The following ANKRD30BL variants were observed in gnomAD, a reference collection of about 807,000 sequenced individuals.
ANKRD30BL encodes the protein ankyrin repeat domain 30B like.
A neutral mutation model predicts 18.4 loss-of-function variants in ANKRD30BL; 20 were observed. The ratio of observed to expected loss-of-function variants is 1.09; its 90% CI spans 0.77 to 1.58. The LOEUF (loss-of-function observed/expected upper bound fraction) is 1.58. Among genes scored for constraint, ANKRD30BL ranks in the 40% most tolerant of loss-of-function variants. The pLI is 0.00. For missense variants in ANKRD30BL, 224 were observed against 268.6 expected, an observed-to-expected ratio of 0.83 and a Z score of 1.16; for synonymous variants, 72 against 100.9, an observed-to-expected ratio of 0.71 and a Z score of 1.72.
At chr2:132,185,315 GAGA>G (rs368924082) in intron 1 of ANKRD30BL, among the ~76,000 whole-genome samples, 1 of 152,150 alleles carries the variant, frequency 6.6e-6, no homozygotes, top group Non-Finnish European at 1.5e-5. Flanking sequence ...CACCACCAGA[GAGA>G]AGAAGGCAGT....
At chr2:132,231,780 C>A (rs1268926195) in intron 1 of ANKRD30BL, among the ~76,000 whole-genome samples, 1 of 152,232 alleles carries the variant, frequency 6.6e-6, no homozygotes, top group South Asian at 2.1e-4. Context: ...CCGCCATTAC[C>A]CAGGCTTGCT....
intron 1 of ANKRD30BL, among the ~76,000 whole-genome samples, chr2:132,218,074 G>A (rs1321907127): frequency 2.0e-5 from 3 of 151,210 alleles, no homozygotes; most frequent in Non-Finnish European, 4.4e-5. Context: ...TCTGCATGTG[G>A]ATATTTGGAC....
At chr2:132,256,613 C>T (rs1263829256) in intron 1 of ANKRD30BL, among the ~76,000 whole-genome samples, 2 of 152,212 alleles carry the variant, frequency 1.3e-5, no homozygotes, top group African/African-American at 4.8e-5. Context: ...TTCGGCGGGC[C>T]TGCGGCTTCC....
At chr2:132,157,187 A>G (rs1483625569) in intron 2 of ANKRD30BL, 41 bp from the exon 3 acceptor site, 6 of 1,261,766 alleles carry the variant, frequency 4.8e-6, no homozygotes, top group African/African-American at 1.5e-5. Flanking sequence ...AAATTATAGG[A>G]AATATAAATA....
chr2:132,169,765 C>G (rs552974437), intron 1 of ANKRD30BL, among the ~76,000 whole-genome samples: 2 of 151,356 alleles, frequency 1.3e-5, no homozygotes, highest in African/African-American at 4.9e-5. Flanking sequence ...AAACATTGGT[C>G]AAGTCTTTAT....
rs142209162 is a variant in ANKRD30BL at position 132,148,133 on chromosome 2, A to G, written c.775T>C (p.Ter259GlnextTer29). The change falls in exon 6 of 6, where the codon TAG (stop) becomes CAG (glutamine). Residue 259 changes from the stop codon to glutamine (Q), a stop_lost. Transcript: ENST00000409867. The stretch of plus-strand genomic sequence containing the variant: ...TTTGAAGAGGAATTCACTGTATCCT[A>G]TTCATCAGGTGTTCTTTCCACCAAG... ...ESLVERTPDE[*>Q] 1 of 1,579,954 alleles carries G rather than the reference A, an allele frequency of 6.3e-7. No homozygotes were observed. The highest frequency in any genetic ancestry group is 8.6e-7 in the Non-Finnish European group (1 of 1,158,398).
At chr2:132,255,257 G>A (rs34022075) in intron 1 of ANKRD30BL, among the ~76,000 whole-genome samples, 4 of 152,198 alleles carry the variant, frequency 2.6e-5, no homozygotes, top group East Asian at 1.9e-4. Flanking sequence ...CACCTCTAGC[G>A]GTGCAATATG....
rs113851942 is a variant in ANKRD30BL, at chr2:132,230,085, C to T, written n.441+27444G>A. On this transcript the variant is annotated intron_variant and non_coding_transcript_variant, in intron 1 of 4. Coordinates refer to the ANKRD30BL transcript ENST00000470729. ...AAACACGCTTTTTGTAGAATCTGCA[C>T]GTGGACATTTAAAGCACTTTGAGGC... Among the ~76,000 whole-genome samples, 15 of 149,234 alleles carry T rather than the reference C, an allele frequency of 1.0e-4. 1 individual carries two copies. Among genetic ancestry groups the T allele is most frequent in the East Asian group, 4.0e-4 (2 of 4,986 alleles).
chr2:132,240,171 A>C (rs1172808545), intron 1 of ANKRD30BL, among the ~76,000 whole-genome samples: 1 of 151,980 alleles, frequency 6.6e-6, no homozygotes, highest in Non-Finnish European at 1.5e-5. Flanking sequence ...ACTAGATAGA[A>C]GCATTCTCAG....
At chr2:132,237,566 G>A (rs1423829629) in intron 1 of ANKRD30BL, among the ~76,000 whole-genome samples, 1 of 152,182 alleles carries the variant, frequency 6.6e-6, no homozygotes, top group Non-Finnish European at 1.5e-5. Context: ...TGTAGAATTT[G>A]CAAGTGGATA....
At chr2:132,153,151 G>GC (rs1462876490) in intron 4 of ANKRD30BL, among the ~76,000 whole-genome samples, 1,579 of 151,886 alleles carry the variant, frequency 0.01, 28 homozygotes, top group African/African-American at 0.036. Context: ...GGCCATTTCT[G>GC]CCCCCACCGC....
intron 1 of ANKRD30BL, among the ~76,000 whole-genome samples, chr2:132,236,286 C>G (rs973980805): frequency 3.9e-5 from 6 of 152,142 alleles, no homozygotes; most frequent in African/African-American, 1.4e-4. Context: ...TGGGCAAGGA[C>G]TTCATGTCTA....
upstream of ANKRD30BL, among the ~76,000 whole-genome samples, chr2:132,163,130 G>A (rs1688118562): frequency 6.6e-6 from 1 of 152,210 alleles, no homozygotes; most frequent in Non-Finnish European, 1.5e-5. Context: ...GGAGCAGATG[G>A]AGAAACAGTT....
intron 1 of ANKRD30BL, among the ~76,000 whole-genome samples, chr2:132,200,397 A>G (rs1330003207): frequency 6.6e-6 from 1 of 152,184 alleles, no homozygotes; most frequent in Non-Finnish European, 1.5e-5. Context: ...AGAAAATCCC[A>G]TTGTCTCAGC....
chr2:132,221,798 C>A (rs1403597958), intron 1 of ANKRD30BL, among the ~76,000 whole-genome samples: 1 of 117,184 alleles, frequency 8.5e-6, no homozygotes, highest in Non-Finnish European at 1.7e-5. Flanking sequence ...CCCGGCCAGC[C>A]GCCCCGTCCG....
chr2:132,255,999 A>G (rs1680824206), intron 1 of ANKRD30BL, among the ~76,000 whole-genome samples: 1 of 152,148 alleles, frequency 6.6e-6, no homozygotes, highest in African/African-American at 2.4e-5. Flanking sequence ...TTCCCTGTGA[A>G]GGGGGTCAGT....
At chr2:132,175,680 A>C (rs1315375732) in intron 1 of ANKRD30BL, among the ~76,000 whole-genome samples, 1 of 152,244 alleles carries the variant, frequency 6.6e-6, no homozygotes, top group Non-Finnish European at 1.5e-5. Context: ...GAATCCTTGG[A>C]CAATACCCGG....
intron 1 of ANKRD30BL, among the ~76,000 whole-genome samples, chr2:132,203,801 A>G (rs1273427548): frequency 1.3e-5 from 2 of 152,118 alleles, no homozygotes; most frequent in South Asian, 2.1e-4. Flanking sequence ...TATGTAATTT[A>G]CCAATGATGT....
At chr2:132,208,040 C>T (rs536562941) in intron 1 of ANKRD30BL, among the ~76,000 whole-genome samples, 1 of 152,164 alleles carries the variant, frequency 6.6e-6, no homozygotes, top group East Asian at 1.9e-4. Flanking sequence ...AATAAAGTGG[C>T]TTCTACTGTA....
Sources: allele counts gnomAD v4.1 joint callset (sites outside exome capture counted in the v4.1 genomes callset), GRCh38; gene constraint gnomAD v4.1.1; transcripts MANE v1.5; gene names NCBI Gene and HGNC (gene_info 2026-07-23, HGNC 2026-07-21).